The following RBFOX1 variants were observed in gnomAD, a reference collection of about 807,000 sequenced individuals.
RBFOX1 encodes the protein RNA binding protein fox-1 homolog 1.
Under a neutral mutation model 57.7 loss-of-function variants are expected in RBFOX1, and 8 were observed. The observed-to-expected ratio is 0.14, with a 90% CI of 0.08 to 0.25. The LOEUF (loss-of-function observed/expected upper bound fraction) is 0.25. Among genes scored for constraint, RBFOX1 ranks in the 10% least tolerant of loss-of-function variants. The pLI, the probability that RBFOX1 is intolerant of heterozygous loss-of-function variation, is 1.00. For synonymous variants in RBFOX1, 326 were observed against 222.4 expected (o/e 1.47, Z -4.15); for missense variants, 611 against 548.5 (o/e 1.11, Z -1.14).
chr16:5,888,067 C>A (rs2057944224), intron 4 of RBFOX1, among the ~76,000 whole-genome samples: 1 of 152,212 alleles, frequency 6.6e-6, no homozygotes, highest in Non-Finnish European at 1.5e-5. Context: ...TGCCCTCCTG[C>A]AAGATTGTGT....
At chr16:6,573,288 C>A (rs371425506) in intron 2 of RBFOX1, among the ~76,000 whole-genome samples, 2 of 152,102 alleles carry the variant, frequency 1.3e-5, no homozygotes, top group African/African-American at 4.8e-5. Context: ...CCGAAGTCTG[C>A]CAGGGGACGC....
At chr16:7,000,737 T>G (rs951746853) in intron 3 of RBFOX1, among the ~76,000 whole-genome samples, 11 of 151,746 alleles carry the variant, frequency 7.2e-5, no homozygotes, top group African/African-American at 2.7e-4. Context: ...CCCAAGTAGC[T>G]GGGACTACAG....
chr16:5,262,061 A>G (rs2062748368), intron 1 of RBFOX1, among the ~76,000 whole-genome samples: 1 of 152,224 alleles, frequency 6.6e-6, no homozygotes, highest in South Asian at 2.1e-4. Context: ...AGTAAAAGAA[A>G]CACACAACGT....
intron 14 of RBFOX1, among the ~76,000 whole-genome samples, chr16:7,700,480 G>C (rs1034371491): frequency 6.6e-6 from 1 of 152,150 alleles, no homozygotes; most frequent in Non-Finnish European, 1.5e-5. Flanking sequence ...CTGCTTCATG[G>C]AAGGGTATTG....
chr16:6,427,791 T>C (rs905028513), intron 2 of RBFOX1, among the ~76,000 whole-genome samples: 2 of 152,196 alleles, frequency 1.3e-5, no homozygotes, highest in African/African-American at 4.8e-5. Flanking sequence ...AAAGAGATAG[T>C]GATTTCAGAG....
intron 2 of RBFOX1, among the ~76,000 whole-genome samples, chr16:6,321,042 C>T (rs1260183794): frequency 1.3e-5 from 2 of 152,298 alleles, no homozygotes; most frequent in African/African-American, 4.8e-5. Flanking sequence ...GATCCTCCTA[C>T]GTCGGCCTCC....
chr16:6,940,282 A>T (rs557402663), intron 3 of RBFOX1, among the ~76,000 whole-genome samples: 46 of 152,318 alleles, frequency 3.0e-4, no homozygotes, highest in African/African-American at 1.1e-3. Flanking sequence ...GTTGCTGCCC[A>T]TATAGGAAGG....
rs116273453 is a variant in RBFOX1 at position 5,868,949 on chromosome 16, C to T, written c.351+1614C>T. On this transcript the variant is annotated intron_variant, in intron 4 of 19. Transcript: ENST00000641259. ...GCACCATTTATTTATAATTGCACTG[C>T]ACGCATCGTTATATAAAATCCTTAA... Among the ~76,000 whole-genome samples, 566 of 152,244 alleles carry T rather than the reference C, an allele frequency of 3.7e-3. 3 individuals carry two copies. The highest frequency in any genetic ancestry group is 0.012 in the African/African-American group (518 of 41,528).
chr16:5,949,010 G>T (rs1216173571), intron 4 of RBFOX1, among the ~76,000 whole-genome samples: 1 of 152,082 alleles, frequency 6.6e-6, no homozygotes, highest in Non-Finnish European at 1.5e-5. Context: ...CTATGTGTTT[G>T]TGTGTCTACG....
rs575857229 is a variant in RBFOX1, at chr16:6,732,292, C to G, written c.-16+77642C>G. ...AAGAATCCACAGTGAAATTCCAGCT[C>G]CAGAATTCACCGTCTCGGCCCCAGG... is the stretch of plus-strand genomic sequence containing the variant. On this transcript the variant is annotated intron_variant, in intron 3 of 15. Coordinates refer to ENST00000550418, the MANE Select transcript of RBFOX1 (RefSeq NM_018723.4). Among the ~76,000 whole-genome samples the G allele has an allele frequency of 2.0e-5, 3 of 152,278 alleles. No homozygotes were observed. In the South Asian group the frequency reaches 6.2e-4, roughly 32 times the overall value.
At chr16:5,473,098 C>T (rs573326336) in intron 2 of RBFOX1, among the ~76,000 whole-genome samples, 38 of 152,196 alleles carry the variant, frequency 2.5e-4, no homozygotes, top group Non-Finnish European at 5.0e-4. Context: ...TGCCCTGGCT[C>T]AAACATGCCC....
intron 1 of RBFOX1, among the ~76,000 whole-genome samples, chr16:6,104,578 C>T (rs1449187187): frequency 1.3e-5 from 2 of 152,142 alleles, no homozygotes; most frequent in Middle Eastern, 3.2e-3. Context: ...TCTCTGTTCC[C>T]ACCCTCAGCC....
chr16:6,915,657 C>T (rs982319727), intron 3 of RBFOX1, among the ~76,000 whole-genome samples: 4 of 150,012 alleles, frequency 2.7e-5, no homozygotes, highest in African/African-American at 9.8e-5. Context: ...TTCAAGTGAT[C>T]CTCCTGCCTC....
At chr16:6,080,900 T>G (rs8046444) in intron 1 of RBFOX1, among the ~76,000 whole-genome samples, 129,023 of 152,172 alleles carry the variant, frequency 0.85, 55,318 homozygotes, top group African/African-American at 0.96. Flanking sequence ...TTTAAAGTAT[T>G]TGAAGAGAAA....
intron 2 of RBFOX1, among the ~76,000 whole-genome samples, chr16:6,623,355 A>T (rs985692113): frequency 1.3e-5 from 2 of 152,170 alleles, no homozygotes; most frequent in African/African-American, 4.8e-5. Flanking sequence ...AGGACAGTGA[A>T]ACCCAAATGA....
intron 1 of RBFOX1, among the ~76,000 whole-genome samples, chr16:5,406,155 T>G (rs1202061963): frequency 6.6e-6 from 1 of 152,238 alleles, no homozygotes; most frequent in Non-Finnish European, 1.5e-5. Flanking sequence ...TGGTCATCTT[T>G]ATGTGTCAAC....
chr16:6,901,572 A>G (rs549005867), intron 3 of RBFOX1, among the ~76,000 whole-genome samples: 1 of 152,124 alleles, frequency 6.6e-6, no homozygotes, highest in Non-Finnish European at 1.5e-5. Flanking sequence ...GGAATGTTCA[A>G]CTCCTCAATT....
chr16:5,246,963 G>C (rs1046687864), intron 1 of RBFOX1, among the ~76,000 whole-genome samples: 3 of 152,214 alleles, frequency 2.0e-5, no homozygotes, highest in Non-Finnish European at 4.4e-5. Flanking sequence ...GAGCCACCAT[G>C]CCTCGCTGAG....
At chr16:5,605,741 A>G (rs755972506) in intron 3 of RBFOX1, among the ~76,000 whole-genome samples, 1 of 151,774 alleles carries the variant, frequency 6.6e-6, no homozygotes, top group Non-Finnish European at 1.5e-5. Context: ...CATTAATTTA[A>G]TAATGTCTGC....
Sources: gnomAD v4.1 joint callset for allele counts (sites outside exome capture counted in the v4.1 genomes callset) on GRCh38, gnomAD v4.1.1 for gene constraint, MANE v1.5 for transcripts, NCBI Gene and HGNC (gene_info 2026-07-23, HGNC 2026-07-21) for gene names.